TANC2: variants seen among roughly 807,000 people sequenced by gnomAD.
TANC2 encodes the protein tetratricopeptide repeat, ankyrin repeat and coiled-coil containing 2.
TANC2 carries 26 observed loss-of-function variants against 210.5 expected under a neutral mutation model. The ratio of observed to expected loss-of-function variants is 0.12; its 90% CI spans 0.09 to 0.17. TANC2 has a LOEUF of 0.17. TANC2 is among the 10% of genes least tolerant of loss of function. TANC2 has a pLI of 1.00. For missense variants in TANC2, 2,129 were observed against 2,608.9 expected (o/e 0.82, Z 4.01); for synonymous variants, 931 against 967.1 (o/e 0.96, Z 0.69).
chr17:63,265,219 C>T (rs1169188345), intron 8 of TANC2, among the ~76,000 whole-genome samples: 1 of 152,132 alleles, frequency 6.6e-6, no homozygotes, highest in African/African-American at 2.4e-5. Flanking sequence ...AGGAAATGCT[C>T]ATTGGAGCAT....
intron 4 of TANC2, among the ~76,000 whole-genome samples, chr17:63,136,479 A>G (rs550617704): frequency 1.4e-4 from 22 of 152,320 alleles, no homozygotes; most frequent in African/African-American, 5.3e-4. Flanking sequence ...ACCTCTATAA[A>G]TATCTACACA....
chr17:63,155,266 T>G (rs954356404), intron 5 of TANC2: 1 of 152,098 alleles, frequency 6.6e-6, no homozygotes, highest in Admixed American at 6.5e-5. Flanking sequence ...TTACAGAGAT[T>G]AAGTGAAATA....
At chr17:63,408,412 T>A (rs1050764115) in intron 21 of TANC2, among the ~76,000 whole-genome samples, 3 of 152,192 alleles carry the variant, frequency 2.0e-5, no homozygotes, top group African/African-American at 7.2e-5. Context: ...TTCATGTGTA[T>A]CTCCTTTTAA....
intron 15 of TANC2, among the ~76,000 whole-genome samples, chr17:63,381,650 C>T (rs569049407): frequency 1.3e-5 from 2 of 152,204 alleles, no homozygotes; most frequent in South Asian, 4.2e-4. Context: ...TGTAAATAAC[C>T]CGCTTTAAAG....
chr17:63,367,314 G>A (rs1349867372), intron 14 of TANC2, among the ~76,000 whole-genome samples: 3 of 152,150 alleles, frequency 2.0e-5, no homozygotes, highest in East Asian at 3.9e-4. Flanking sequence ...TCCAACCCAC[G>A]GCCCATGGGC....
At chr17:63,255,448 TGG>T (rs911905479) in intron 8 of TANC2, among the ~76,000 whole-genome samples, 7 of 152,204 alleles carry the variant, frequency 4.6e-5, no homozygotes, top group Admixed American at 1.3e-4. Context: ...CATTGGATCC[TGG>T]GCTTTTCTTT....
intron 3 of TANC2, among the ~76,000 whole-genome samples, chr17:63,084,343 G>C (rs2036882629): frequency 6.6e-6 from 1 of 151,916 alleles, no homozygotes; most frequent in Non-Finnish European, 1.5e-5. Flanking sequence ...TTTCATTTCT[G>C]GGATTAGTAA....
chr17:63,195,891 C>T (rs1360281879), intron 6 of TANC2, among the ~76,000 whole-genome samples: 1 of 152,156 alleles, frequency 6.6e-6, no homozygotes, highest in Non-Finnish European at 1.5e-5. Context: ...CTTCCTACCC[C>T]TCTCCCTTTC....
At chr17:63,109,482 A>G (rs1231019811) in intron 4 of TANC2, among the ~76,000 whole-genome samples, 1 of 151,776 alleles carries the variant, frequency 6.6e-6, no homozygotes, top group Non-Finnish European at 1.5e-5. Flanking sequence ...ATTTGACTCA[A>G]GAAAACTTAA....
intron 18 of TANC2, 172 bp downstream of exon 18, chr17:63,396,100 A>G (rs2048147560): frequency 1.6e-6 from 1 of 620,406 alleles, no homozygotes; most frequent in East Asian, 2.8e-5. Context: ...CTCAAATGCC[A>G]AAGTCCCTCA....
chr17:63,302,858 G>A lies in TANC2; in HGVS notation c.1160-11530G>A, dbSNP rs142913476. Among the ~76,000 whole-genome samples the A allele has an allele frequency of 2.0e-5, 3 of 152,010 alleles. No homozygotes were observed. In the South Asian group the frequency reaches 6.2e-4, roughly 32 times the overall value. ...AGCTCACTGCAACCTCTAACTCCCAGGTTCAAGGGATCCTCCTGCCTCAGC... is the reference window on the plus strand; with the variant it reads ...AGCTCACTGCAACCTCTAACTCCCAAGTTCAAGGGATCCTCCTGCCTCAGC... On this transcript the variant is annotated intron_variant, in intron 9 of 27. Coordinates refer to ENST00000689528, the Ensembl canonical transcript of TANC2.
intron 15 of TANC2, among the ~76,000 whole-genome samples, chr17:63,380,851 A>G (rs1013939146): frequency 7.2e-5 from 11 of 152,230 alleles, no homozygotes; most frequent in African/African-American, 2.4e-4. Flanking sequence ...CACAGTGACA[A>G]ATCTTGTATT....
At chr17:63,394,334 C>T (rs529590097) in intron 17 of TANC2, among the ~76,000 whole-genome samples, 4 of 152,220 alleles carry the variant, frequency 2.6e-5, no homozygotes, top group Admixed American at 2.6e-4. Context: ...AAACTGATTC[C>T]TGTGTCCTTT....
intron 11 of TANC2, among the ~76,000 whole-genome samples, chr17:63,328,143 A>G (rs1189168636): frequency 6.6e-6 from 1 of 152,182 alleles, no homozygotes; most frequent in Non-Finnish European, 1.5e-5. Flanking sequence ...AACATTGAGT[A>G]CACATGGACA....
intron 7 of TANC2, among the ~76,000 whole-genome samples, chr17:63,209,987 C>T (rs1293944341): frequency 1.3e-5 from 2 of 152,124 alleles, no homozygotes; most frequent in Non-Finnish European, 2.9e-5. Flanking sequence ...CCTAGAACCA[C>T]GTGTAGTTAT....
At chr17:63,269,505 C>T (rs2043632734) in intron 9 of TANC2, among the ~76,000 whole-genome samples, 1 of 152,118 alleles carries the variant, frequency 6.6e-6, no homozygotes, top group Non-Finnish European at 1.5e-5. Flanking sequence ...GCCACATTGG[C>T]ATCATCTTCC....
intron 5 of TANC2, among the ~76,000 whole-genome samples, chr17:63,160,508 G>A (rs1390198740): frequency 1.3e-5 from 2 of 152,036 alleles, no homozygotes; most frequent in Non-Finnish European, 1.5e-5. Flanking sequence ...TCCTGGTAGG[G>A]CATTTCATTA....
intron 9 of TANC2, among the ~76,000 whole-genome samples, chr17:63,283,521 G>A (rs1344572057): frequency 6.6e-6 from 1 of 151,772 alleles, no homozygotes; most frequent in African/African-American, 2.4e-5. Flanking sequence ...TGGATGGATG[G>A]ATGGATGGAT....
chr17:63,081,043 T>C (rs998379468), intron 3 of TANC2, among the ~76,000 whole-genome samples: 4 of 152,204 alleles, frequency 2.6e-5, no homozygotes, highest in Non-Finnish European at 5.9e-5. Context: ...CATTCTGATA[T>C]ATAAAGTATA....
Sources: gnomAD v4.1 joint callset for allele counts (sites outside exome capture counted in the v4.1 genomes callset) on GRCh38, gnomAD v4.1.1 for gene constraint, MANE v1.5 for transcripts, NCBI Gene and HGNC (gene_info 2026-07-23, HGNC 2026-07-21) for gene names.